The following GTF2H5 variants were observed in gnomAD, a reference collection of about 807,000 sequenced individuals.
The protein encoded by GTF2H5 is general transcription factor IIH subunit 5, also known as TFB5 ortholog.
Under a neutral mutation model 7.1 loss-of-function variants are expected in GTF2H5, and 5 were observed. The ratio of observed to expected loss-of-function variants is 0.71; its 90% confidence interval spans 0.37 to 1.49. The LOEUF (loss-of-function observed/expected upper bound fraction) is 1.49, where lower values mean the gene tolerates loss of function less well. Ranked by LOEUF, GTF2H5 falls within the 40% of genes most tolerant of loss-of-function variation. GTF2H5 has a pLI of 0.03. For missense variants in GTF2H5, 80 were observed against 83.0 expected (o/e 0.96, Z 0.14); for synonymous variants, 30 against 31.7 (o/e 0.95, Z 0.18).
rs1777062699 is a variant in GTF2H5 at position 158,193,668 on chromosome 6, A to G, written c.*1511A>G. 6.6e-6 allele frequency: 1 copy of G among 152,310 alleles called. No individual in the cohort carries two copies. The highest frequency in any genetic ancestry group is 3.4e-3 in the Middle Eastern group (1 of 294). 9.4% of individuals were successfully genotyped at this position (152,310 alleles called of 1,614,324 possible). A position where few individuals can be genotyped will look rare whatever the true frequency, so the allele number is the denominator to read the frequency against. ...ATGCAAAAAATTTTGATGAGTTACT[A>G]CTACTAAAACTAGTTAAGTAAAAGA... On this transcript the variant is annotated 3_prime_UTR_variant, in exon 3 of 3. Coordinates refer to ENST00000607778, the MANE Select transcript of GTF2H5 (RefSeq NM_207118.3).
rs142825820 is a variant in GTF2H5 at position 158,170,536 on chromosome 6, A to G, written c.33A>G (p.Glu11=). The G allele has an allele frequency of 7.5e-6, 12 of 1,605,488 alleles. No individual in the cohort carries two copies. Among genetic ancestry groups the G allele is most frequent in the Admixed American group, 1.7e-5 (1 of 60,010 alleles). The part of the protein sequence containing the change: MVNVLKGVLI[E]CDPAMKQFLL... The stretch of plus-strand genomic sequence containing the variant: ...ACGTCTTGAAAGGAGTGCTTATAGA[A>G]TGGTTAGTAGTTTTGATACTGCATG... Residue 11 remains glutamate, a splice_region_variant and synonymous_variant, in exon 2 of 3, where the codon GAA becomes GAG. Coordinates refer to ENST00000607778, the MANE Select transcript of GTF2H5 (RefSeq NM_207118.3).
Position 158,173,406 on chromosome 6 carries a change from C to T in GTF2H5, c.35+2868C>T, listed in dbSNP as rs564760781. Among the ~76,000 whole-genome samples the T allele has an allele frequency of 5.3e-5, 8 of 152,308 alleles. No individual in the cohort carries two copies. The East Asian group carries it at 1.5e-3, about 29-fold the overall frequency. On this transcript the variant is annotated intron_variant, in intron 2 of 2. Coordinates refer to ENST00000607778, the MANE Select transcript of GTF2H5 (RefSeq NM_207118.3). ...GGGTATGGCCAGTGCTAGTGGATTC[C>T]CTTTCACAGTTAGATGCAGATGTTA...
intron 2 of GTF2H5, among the ~76,000 whole-genome samples, chr6:158,174,399 G>A (rs999460862): frequency 6.6e-6 from 1 of 152,134 alleles, no homozygotes; most frequent in Non-Finnish European, 1.5e-5. Flanking sequence ...TATGATGATG[G>A]CCATTTATTC....
At chr6:158,175,022 G>GTGTGTGTGTGTGTGTGTGTATATA (rs1785911765) in intron 2 of GTF2H5, among the ~76,000 whole-genome samples, 1 of 122,652 alleles carries the variant, frequency 8.2e-6, no homozygotes, top group African/African-American at 4.3e-5. Context: ...GTGTGTGTGT[G>GTGTGTGTGTGTGTGTGTGTATATA]TGTGTGTGTG....
At chr6:158,185,225 T>C (rs79407989) in intron 2 of GTF2H5, among the ~76,000 whole-genome samples, 18,846 of 151,522 alleles carry the variant, frequency 0.12, 1,299 homozygotes, top group Middle Eastern at 0.16. Context: ...TGCTTGAAAA[T>C]TCAATCTCAA....
rs958355139 is a variant in GTF2H5, at chr6:158,181,107, T to C, written c.35+10569T>C. On this transcript the variant is annotated intron_variant, in intron 2 of 2. Transcript: ENST00000607778. ...CACTGGTTTCAAAGAACATCTTTATTTCTGCGTTAATTTTGTTATTTACCC... is the reference window on the plus strand; with the variant it reads ...CACTGGTTTCAAAGAACATCTTTATCTCTGCGTTAATTTTGTTATTTACCC... Among the ~76,000 whole-genome samples the C allele has an allele frequency of 5.3e-5, 8 of 152,230 alleles. No homozygotes were observed. In the East Asian group the frequency reaches 1.5e-3, roughly 29 times the overall value.
intron 1 of GTF2H5, among the ~76,000 whole-genome samples, chr6:158,169,341 CGT>C (rs1562467572): frequency 4.7e-4 from 34 of 71,854 alleles, no homozygotes; most frequent in African/African-American, 1.6e-3. Context: ...ATATATAATA[CGT>C]ATATTATATA....
intron 2 of GTF2H5, among the ~76,000 whole-genome samples, chr6:158,180,101 C>T (rs1030732912): frequency 6.6e-6 from 1 of 152,030 alleles, no homozygotes; most frequent in Non-Finnish European, 1.5e-5. Context: ...TGAATTTTGT[C>T]GAAGGCCTTT....
intron 2 of GTF2H5, among the ~76,000 whole-genome samples, chr6:158,176,148 G>A (rs543067010): frequency 6.6e-5 from 10 of 152,242 alleles, no homozygotes; most frequent in East Asian, 1.9e-4. Context: ...TTTAAATCCC[G>A]GTATTCTGGC....
chr6:158,193,374 T>C lies in GTF2H5; in HGVS notation c.*1217T>C, dbSNP rs1463135454. On this transcript the variant is annotated 3_prime_UTR_variant, in exon 3 of 3. Transcript: ENST00000607778. ...AAAAACAGTAACACTGAGAGGGGCT[T>C]TGCTTCCCTTCCTGAAGATCATGTC... The C allele has an allele frequency of 6.6e-6, 1 of 151,734 alleles. No homozygotes were observed. The highest frequency in any genetic ancestry group is 1.5e-5 in the Non-Finnish European group (1 of 68,016). The allele number at this position is 151,734 out of a possible 1,614,324, so 9.4% of individuals were successfully genotyped here.
intron 2 of GTF2H5, among the ~76,000 whole-genome samples, chr6:158,184,445 A>G (rs951458296): frequency 1.3e-5 from 2 of 152,098 alleles, no homozygotes; most frequent in Non-Finnish European, 2.9e-5. Context: ...TAAAACCCCT[A>G]TTATATGTTT....
chr6:158,169,004 TA>T (rs1370148476), intron 1 of GTF2H5, among the ~76,000 whole-genome samples: 1 of 150,738 alleles, frequency 6.6e-6, no homozygotes, highest in Admixed American at 6.6e-5. Context: ...GAGGCCGAGG[TA>T]GGTGGATCAT....
At position 158,192,708 on chromosome 6, in the gene GTF2H5, A is replaced by G. The variant is rs567913573; in HGVS notation, c.*551A>G. The G allele has an allele frequency of 6.4e-6, 1 of 156,596 alleles. No individual in the cohort carries two copies. The highest frequency in any genetic ancestry group is 1.9e-4 in the East Asian group (1 of 5,330). The allele number at this position is 156,596 out of a possible 1,614,324, so 9.7% of individuals were successfully genotyped here. On this transcript the variant is annotated 3_prime_UTR_variant, in exon 3 of 3. Coordinates refer to ENST00000607778, the MANE Select transcript of GTF2H5 (RefSeq NM_207118.3). ...GTTTTTAAGAGGGTTAGAAACAACC[A>G]GTGGGAAAGGCACATGCTGCTTTGT...
At chr6:158,174,827 T>TA (rs1239894752) in intron 2 of GTF2H5, among the ~76,000 whole-genome samples, 3 of 152,218 alleles carry the variant, frequency 2.0e-5, no homozygotes, top group Non-Finnish European at 2.9e-5. Flanking sequence ...AAACTACACT[T>TA]ATCCTTATGA....
rs1380508010 is a variant in GTF2H5, at chr6:158,195,548, C to T, written c.*3391C>T. 6.6e-6 allele frequency: 1 copy of T among 152,136 alleles called. No individual in the cohort carries two copies. Among genetic ancestry groups the T allele is most frequent in the East Asian group, 1.9e-4 (1 of 5,192 alleles). 9.4% of individuals were successfully genotyped at this position (152,136 alleles called of 1,614,324 possible). On this transcript the variant is annotated 3_prime_UTR_variant, in exon 3 of 3. Transcript: ENST00000607778. ...CATTACTGATAATAGGCAACAAACA[C>T]TACTGCATTTTATTTCTGATAGGCA...
intron 1 of GTF2H5, among the ~76,000 whole-genome samples, chr6:158,169,129 G>A (rs1004375185): frequency 3.9e-4 from 58 of 150,400 alleles, no homozygotes; most frequent in African/African-American, 1.4e-3. Flanking sequence ...CGCTGCTTGG[G>A]AGGCTGAGGC....
intron 2 of GTF2H5, among the ~76,000 whole-genome samples, chr6:158,178,283 G>C (rs930465404): frequency 4.1e-4 from 62 of 151,928 alleles, no homozygotes; most frequent in African/African-American, 1.5e-3. Flanking sequence ...TCAGGAGATC[G>C]AGACCATCCT....
chr6:158,192,497 G>C lies in GTF2H5; in HGVS notation c.*340G>C, dbSNP rs147405902. On this transcript the variant is annotated 3_prime_UTR_variant, in exon 3 of 3. Coordinates refer to ENST00000607778, the MANE Select transcript of GTF2H5 (RefSeq NM_207118.3). ...TCCCTGTGATCTGTGCATTTTTGCTGCGTGGATGTGATTGTTTGGTTTCAG... is the reference window on the plus strand; with the variant it reads ...TCCCTGTGATCTGTGCATTTTTGCTCCGTGGATGTGATTGTTTGGTTTCAG... The C allele has an allele frequency of 3.5e-6, 1 of 289,036 alleles. No homozygotes were observed. The highest frequency in any genetic ancestry group is 2.2e-5 in the African/African-American group (1 of 45,444). 17.9% of individuals were successfully genotyped at this position (289,036 alleles called of 1,614,324 possible). A position where few individuals can be genotyped will look rare whatever the true frequency, so the allele number is the denominator to read the frequency against.
At chr6:158,191,686 G>C (rs901557445) in intron 2 of GTF2H5, among the ~76,000 whole-genome samples, 6 of 152,038 alleles carry the variant, frequency 3.9e-5, no homozygotes, top group African/African-American at 7.2e-5. Context: ...GTTTCACCGT[G>C]TTAGCCAGGA....
Sources: gnomAD v4.1 joint callset for allele counts (sites outside exome capture counted in the v4.1 genomes callset) on GRCh38, gnomAD v4.1.1 for gene constraint, MANE v1.5 for transcripts, NCBI Gene and HGNC (gene_info 2026-07-23, HGNC 2026-07-21) for gene names.